The following ATF7IP2 variants were observed in gnomAD, a reference collection of about 807,000 sequenced individuals.
The protein encoded by ATF7IP2 is activating transcription factor 7 interacting protein 2.
Under a neutral mutation model 64.2 loss-of-function variants are expected in ATF7IP2, and 42 were observed. The ratio of observed to expected loss-of-function variants is 0.65; its 90% CI spans 0.51 to 0.85. ATF7IP2 has a LOEUF of 0.85. Ranked by LOEUF, ATF7IP2 falls within the 40% of genes least tolerant of loss-of-function variation. ATF7IP2 has a pLI of 0.00. For synonymous variants in ATF7IP2, 308 were observed against 272.8 expected, an observed-to-expected ratio of 1.13 and a Z score of -1.27; for missense variants, 933 against 784.2, an observed-to-expected ratio of 1.19 and a Z score of -2.27.
At chr16:10,452,424 A>G (rs1031910851) in intron 8 of ATF7IP2, among the ~76,000 whole-genome samples, 3 of 152,124 alleles carry the variant, frequency 2.0e-5, no homozygotes, top group African/African-American at 7.2e-5. Flanking sequence ...CCTGGGTATC[A>G]CCAGCAGAGG....
At chr16:10,465,472 C>G (rs966003889) in intron 9 of ATF7IP2, among the ~76,000 whole-genome samples, 1 of 151,780 alleles carries the variant, frequency 6.6e-6, no homozygotes, top group Admixed American at 6.6e-5. Flanking sequence ...CTGGGCCGGG[C>G]ACAGTGACTC....
At chr16:10,481,696 A>C in intron 13 of ATF7IP2, 140 bp from the exon 14 acceptor site, 1 of 705,460 alleles carries the variant, frequency 1.4e-6, no homozygotes, top group Non-Finnish European at 2.3e-6. Context: ...ATTCTGCTTA[A>C]AGGACTGGAT....
intron 9 of ATF7IP2, among the ~76,000 whole-genome samples, chr16:10,459,295 C>T (rs747993263): frequency 2.0e-5 from 3 of 151,818 alleles, no homozygotes; most frequent in Non-Finnish European, 2.9e-5. Context: ...GGTGAAACGC[C>T]GTCTCTACTA....
At chr16:10,403,765 C>T (rs979219046) in intron 1 of ATF7IP2, among the ~76,000 whole-genome samples, 10 of 152,156 alleles carry the variant, frequency 6.6e-5, no homozygotes, top group African/African-American at 1.9e-4. Flanking sequence ...GATATCTTTT[C>T]GTAAAACCAA....
chr16:10,479,958 C>CTTTTTTTTTTTTTTT (rs201158427), intron 12 of ATF7IP2, among the ~76,000 whole-genome samples: 2 of 80,590 alleles, frequency 2.5e-5, no homozygotes, highest in Admixed American at 1.7e-4. Flanking sequence ...ACTGGAAATA[C>CTTTTTTTTTTTTTTT]TTTTTTTTTT....
intron 2 of ATF7IP2, among the ~76,000 whole-genome samples, chr16:10,415,631 T>G (rs1021587420): frequency 6.6e-6 from 1 of 152,178 alleles, no homozygotes; most frequent in Admixed American, 6.5e-5. Flanking sequence ...AAGTTAAGCT[T>G]CTGCACAGCA....
chr16:10,412,894 C>G (rs1401473309), intron 1 of ATF7IP2, among the ~76,000 whole-genome samples: 1 of 152,096 alleles, frequency 6.6e-6, no homozygotes, highest in East Asian at 1.9e-4. Flanking sequence ...TTGGATAATG[C>G]TTTTTATCAT....
intron 12 of ATF7IP2, among the ~76,000 whole-genome samples, chr16:10,478,186 G>T (rs199743395): frequency 4.0e-5 from 6 of 148,584 alleles, no homozygotes; most frequent in African/African-American, 7.4e-5. Context: ...AAAAGAGCCC[G>T]CATCGCCAAG....
rs374413649 is a variant in ATF7IP2 at position 10,473,960 on chromosome 16, C to G, written c.1520C>G (p.Thr507Arg). ...QKKLDSIIDL[T>R]KEGLSNCNTE... The stretch of plus-strand genomic sequence containing the variant: ...AAACTTGATTCTATAATTGATTTGA[C>G]AAAAGAAGGCCTATCCAACTGCAAT... Residue 507 changes from threonine to arginine, a missense_variant, in exon 12 of 14, where the codon ACA (threonine) becomes AGA (arginine). Transcript: ENST00000562102. 1.3e-6 allele frequency: 2 copies of G among 1,537,894 alleles called. No homozygotes were observed. The highest frequency in any genetic ancestry group is 1.8e-6 in the Non-Finnish European group (2 of 1,134,328).
At chr16:10,421,175 C>T (rs1183443302) in intron 3 of ATF7IP2, among the ~76,000 whole-genome samples, 1 of 151,968 alleles carries the variant, frequency 6.6e-6, no homozygotes, top group East Asian at 1.9e-4. Context: ...ATCACAGTAG[C>T]AATTTGATCT....
intron 8 of ATF7IP2, among the ~76,000 whole-genome samples, chr16:10,441,418 G>A (rs1293171461): frequency 6.6e-6 from 1 of 152,070 alleles, no homozygotes; most frequent in East Asian, 1.9e-4. Context: ...AGCATCTGTT[G>A]TTTCCTGACT....
intron 3 of ATF7IP2, among the ~76,000 whole-genome samples, chr16:10,427,905 C>T (rs925934856): frequency 3.4e-4 from 51 of 149,646 alleles, no homozygotes; most frequent in Non-Finnish European, 5.5e-4. Context: ...CACAAATGAT[C>T]AGATAAACAA....
Position 10,482,364 on chromosome 16 carries a change from G to C in ATF7IP2, c.*115G>C. ...GCTCAGATTGTGAGCCCTTTCTATTGGGACAGTCCTCTTCTATATGTTTTA... is the reference window on the plus strand; with the variant it reads ...GCTCAGATTGTGAGCCCTTTCTATTCGGACAGTCCTCTTCTATATGTTTTA... On this transcript the variant is annotated 3_prime_UTR_variant, in exon 14 of 14. Coordinates refer to ENST00000562102, the MANE Select transcript of ATF7IP2 (RefSeq NM_001393719.1). 1 of 737,270 alleles carries C rather than the reference G, an allele frequency of 1.4e-6. No homozygotes were observed. The highest frequency in any genetic ancestry group is 1.9e-5 in the South Asian group (1 of 52,228). The allele number at this position is 737,270 out of a possible 1,614,324, so 45.7% of individuals were successfully genotyped here. A position where few individuals can be genotyped will look rare whatever the true frequency, so the allele number is the denominator to read the frequency against.
At chr16:10,459,781 G>C (rs1375457971) in intron 9 of ATF7IP2, among the ~76,000 whole-genome samples, 1 of 152,120 alleles carries the variant, frequency 6.6e-6, no homozygotes, top group Non-Finnish European at 1.5e-5. Flanking sequence ...TCAGAATAGA[G>C]GTAACTTCTT....
chr16:10,475,405 A>G (rs1304191796), intron 12 of ATF7IP2, among the ~76,000 whole-genome samples: 1 of 152,182 alleles, frequency 6.6e-6, no homozygotes, highest in Admixed American at 6.5e-5. Flanking sequence ...TAAAATATCC[A>G]AACTGGCTGG....
chr16:10,477,330 A>T (rs2050047381), intron 12 of ATF7IP2, among the ~76,000 whole-genome samples: 1 of 152,260 alleles, frequency 6.6e-6, no homozygotes, highest in African/African-American at 2.4e-5. Context: ...CCCAGGGATG[A>T]AGCCCACTTG....
chr16:10,456,065 C>T (rs762137302), intron 8 of ATF7IP2, among the ~76,000 whole-genome samples: 6 of 151,882 alleles, frequency 4.0e-5, no homozygotes, highest in Non-Finnish European at 5.9e-5. Flanking sequence ...CTGCAACATC[C>T]GCCTCCTGGG....
intron 1 of ATF7IP2, among the ~76,000 whole-genome samples, chr16:10,407,392 CAG>C (rs2047664720): frequency 6.6e-6 from 1 of 152,116 alleles, no homozygotes; most frequent in Non-Finnish European, 1.5e-5. Context: ...CTAGGCGAAT[CAG>C]AGGAGAAATA....
chr16:10,452,678 G>T (rs951715128), intron 8 of ATF7IP2, among the ~76,000 whole-genome samples: 1 of 152,156 alleles, frequency 6.6e-6, no homozygotes, highest in Non-Finnish European at 1.5e-5. Flanking sequence ...AGTCCTGTCC[G>T]GCAGGGACAT....
Sources: allele counts gnomAD v4.1 joint callset (sites outside exome capture counted in the v4.1 genomes callset), GRCh38; gene constraint gnomAD v4.1.1; transcripts MANE v1.5; gene names NCBI Gene and HGNC (gene_info 2026-07-23, HGNC 2026-07-21).